Variants in MAP2K1 observed in about 807,000 individuals in gnomAD.
MAP2K1 encodes the protein mitogen-activated protein kinase kinase 1, also known as dual specificity mitogen-activated protein kinase kinase 1.
Under a neutral mutation model 46.3 loss-of-function variants are expected in MAP2K1, and 16 were observed. The ratio of observed to expected loss-of-function variants is 0.35; its 90% CI spans 0.23 to 0.52. MAP2K1 has a LOEUF of 0.52. MAP2K1 is among the 20% of genes least tolerant of loss of function. The pLI is 0.94. For synonymous variants in MAP2K1, 183 were observed against 185.6 expected, an observed-to-expected ratio of 0.99 and a Z score of 0.11; for missense variants, 263 against 497.1, an observed-to-expected ratio of 0.53 and a Z score of 4.48.
chr15:66,453,529 T>C (rs1192259701), intron 5 of MAP2K1: 2 of 702,254 alleles, frequency 2.8e-6, no homozygotes, highest in African/African-American at 3.5e-5. Context: ...CAGCAATTCC[T>C]GAGCAAGCAG....
intron 1 of MAP2K1, among the ~76,000 whole-genome samples, chr15:66,408,359 T>C (rs1459092864): frequency 1.3e-5 from 2 of 152,168 alleles, no homozygotes; most frequent in Admixed American, 6.5e-5. Flanking sequence ...AAAGAATTAT[T>C]TTCAGTGAAA....
intron 9 of MAP2K1, 128 bp downstream of exon 9, chr15:66,489,404 C>T: frequency 1.1e-6 from 1 of 913,894 alleles, no homozygotes; most frequent in Non-Finnish European, 1.8e-6. Context: ...TCTGATGATT[C>T]TTGGCTGCTG....
chr15:66,440,243 C>T (rs1040434732), intron 3 of MAP2K1, among the ~76,000 whole-genome samples: 2 of 152,104 alleles, frequency 1.3e-5, no homozygotes, highest in African/African-American at 4.8e-5. Flanking sequence ...AGGCACATGC[C>T]ACTATGCCTG....
chr15:66,468,957 A>G (rs1485903670), intron 5 of MAP2K1, among the ~76,000 whole-genome samples: 2 of 148,896 alleles, frequency 1.3e-5, no homozygotes, highest in Non-Finnish European at 3.0e-5. Flanking sequence ...CCGTCTCAAA[A>G]AAAAAAATTT....
chr15:66,458,587 G>T (rs1191248823), intron 5 of MAP2K1, among the ~76,000 whole-genome samples: 1 of 152,192 alleles, frequency 6.6e-6, no homozygotes, highest in African/African-American at 2.4e-5. Flanking sequence ...TGCGATCATG[G>T]CTCACTGCAT....
chr15:66,440,192 A>G (rs1168746474), intron 3 of MAP2K1, among the ~76,000 whole-genome samples: 1 of 152,134 alleles, frequency 6.6e-6, no homozygotes, highest in Non-Finnish European at 1.5e-5. Flanking sequence ...CCTGGGCCCA[A>G]GTGATCTTCC....
At chr15:66,456,386 C>T (rs180889891) in intron 5 of MAP2K1, among the ~76,000 whole-genome samples, 1 of 152,284 alleles carries the variant, frequency 6.6e-6, no homozygotes, top group Non-Finnish European at 1.5e-5. Flanking sequence ...GGCAGAAACC[C>T]ACCTCAAGAT....
chr15:66,453,349 G>A lies in MAP2K1; in HGVS notation c.568+8642G>A, dbSNP rs571398355. The A allele has an allele frequency of 2.7e-5, 17 of 620,616 alleles. No homozygotes were observed. In the South Asian group the frequency reaches 3.0e-4, roughly 11 times the overall value. The allele number at this position is 620,616 out of a possible 1,614,324, so 38.4% of individuals were successfully genotyped here. A position where few individuals can be genotyped will look rare whatever the true frequency, so the allele number is the denominator to read the frequency against. On this transcript the variant is annotated intron_variant, in intron 5 of 10. Coordinates refer to ENST00000307102, the MANE Select transcript of MAP2K1 (RefSeq NM_002755.4). The stretch of plus-strand genomic sequence containing the variant: ...GATGGGTCTCTGAACAGATGTCTTT[G>A]ATGGAGAGTTTACCACTTGCACAGC...
chr15:66,443,082 ATT>A (rs398027713), intron 3 of MAP2K1, among the ~76,000 whole-genome samples, 196 bp from the exon 4 acceptor site: 8 of 91,054 alleles, frequency 8.8e-5, no homozygotes, highest in Non-Finnish European at 1.6e-4. Context: ...TTGTGTGTGT[ATT>A]TTTTTTTTTT....
intron 8 of MAP2K1, chr15:66,488,711 G>A (rs1893136942): frequency 5.5e-6 from 1 of 181,542 alleles, no homozygotes; most frequent in South Asian, 1.2e-4. Context: ...TCAGAAAAGG[G>A]ATTTTTAAAA....
intron 1 of MAP2K1, among the ~76,000 whole-genome samples, chr15:66,396,304 G>C (rs1054043160): frequency 7.2e-5 from 11 of 151,884 alleles, no homozygotes; most frequent in Admixed American, 2.6e-4. Context: ...TTGAGATGGA[G>C]TTTCACTCTT....
At chr15:66,458,214 C>A (rs577858939) in intron 5 of MAP2K1, among the ~76,000 whole-genome samples, 2 of 152,274 alleles carry the variant, frequency 1.3e-5, no homozygotes, top group East Asian at 3.9e-4. Context: ...TGCTCTCTTT[C>A]ATTCTATTTA....
chr15:66,442,070 C>T (rs1318649229), intron 3 of MAP2K1, among the ~76,000 whole-genome samples: 4 of 152,194 alleles, frequency 2.6e-5, no homozygotes, highest in African/African-American at 7.2e-5. Context: ...TGGCTTCACA[C>T]CATACTTGCA....
intron 5 of MAP2K1, among the ~76,000 whole-genome samples, chr15:66,454,958 G>A (rs1426964603): frequency 6.6e-6 from 1 of 152,064 alleles, no homozygotes; most frequent in Non-Finnish European, 1.5e-5. Flanking sequence ...TACAAACCAC[G>A]GTAGGGTGGG....
intron 9 of MAP2K1, 125 bp downstream of exon 9, chr15:66,489,401 A>T: frequency 1.1e-6 from 1 of 929,920 alleles, no homozygotes; most frequent in South Asian, 1.3e-5. Flanking sequence ...CCGTCTGATG[A>T]TTCTTGGCTG....
In MAP2K1 at chr15:66,490,271, G is replaced by A. The variant is rs1042844669; in HGVS notation, c.1069-231G>A. On this transcript the variant is annotated intron_variant, in intron 10 of 10. Transcript: ENST00000307102. ...AAGGCAGAGTTACTGTCTCCATACT[G>A]CACGAGTAGGCTCCAAGAGGTGACT... 6.0e-6 allele frequency: 4 copies of A among 665,950 alleles called. No individual in the cohort carries two copies. The African/African-American group carries it at 7.2e-5, about 12-fold the overall frequency. 41.3% of individuals were successfully genotyped at this position (665,950 alleles called of 1,614,324 possible).
chr15:66,456,740 G>A (rs1329811860), intron 5 of MAP2K1, among the ~76,000 whole-genome samples: 1 of 152,136 alleles, frequency 6.6e-6, no homozygotes, highest in African/African-American at 2.4e-5. Context: ...TGCCTGGTGG[G>A]CCACCCTGGG....
chr15:66,443,108 G>A (rs1595864935), intron 3 of MAP2K1, among the ~76,000 whole-genome samples, 172 bp from the exon 4 acceptor site: 1 of 67,786 alleles, frequency 1.5e-5, no homozygotes, highest in East Asian at 5.8e-4. Context: ...TTTTTTTTGA[G>A]ACAGAGTCTC....
chr15:66,486,713 A>T (rs968821164), intron 7 of MAP2K1, among the ~76,000 whole-genome samples: 4 of 152,108 alleles, frequency 2.6e-5, no homozygotes, highest in African/African-American at 9.7e-5. Context: ...CCTGCCCTGT[A>T]CCTCCATGAG....
Sources: gnomAD v4.1 joint callset for allele counts (sites outside exome capture counted in the v4.1 genomes callset) on GRCh38, gnomAD v4.1.1 for gene constraint, MANE v1.5 for transcripts, NCBI Gene and HGNC (gene_info 2026-07-23, HGNC 2026-07-21) for gene names.